PARD3B: variants seen among roughly 807,000 people sequenced by gnomAD.
The protein encoded by PARD3B is partitioning defective 3 homolog B.
Under a neutral mutation model 130.2 loss-of-function variants are expected in PARD3B, and 103 were observed. That is an observed-to-expected ratio of 0.79 (90% confidence interval 0.67 to 0.93). The LOEUF (loss-of-function observed/expected upper bound fraction) is 0.93. Among genes scored for constraint, PARD3B ranks in the 40% least tolerant of loss-of-function variants. The pLI, the probability that PARD3B is intolerant of heterozygous loss-of-function variation, is 0.00. For missense variants in PARD3B, 1,609 were observed against 1,499.2 expected (o/e 1.07, Z -1.21); for synonymous variants, 583 against 553.2 (o/e 1.05, Z -0.76).
At chr2:205,013,123 A>G (rs1244472299) in intron 3 of PARD3B, among the ~76,000 whole-genome samples, 2 of 152,180 alleles carry the variant, frequency 1.3e-5, no homozygotes, top group African/African-American at 4.8e-5. Flanking sequence ...CTTGATTTCA[A>G]CATGAGTTTA....
chr2:204,710,571 A>G (rs751556863), intron 2 of PARD3B, among the ~76,000 whole-genome samples: 1 of 152,232 alleles, frequency 6.6e-6, no homozygotes, highest in Non-Finnish European at 1.5e-5. Flanking sequence ...GGCTGTGTCC[A>G]CCGATTACTG....
rs1704004422 is a variant in PARD3B at position 205,116,088 on chromosome 2, A to G, written c.680+2511A>G. ...TAGATACCATCGCAGAGGGGTGCTG[A>G]ATGCTGCTTGTATTGAGGGCCATTG... On this transcript the variant is annotated intron_variant, in intron 6 of 22. Coordinates refer to ENST00000406610, the MANE Select transcript of PARD3B (RefSeq NM_001302769.2). The surrounding 1 kb of genome is among the most constrained non-coding windows in gnomAD (Gnocchi z 4.5). 6.6e-6 allele frequency among the ~76,000 whole-genome samples: 1 copy of G among 152,140 alleles called. No homozygotes were observed. Among genetic ancestry groups the G allele is most frequent in the Non-Finnish European group, 1.5e-5 (1 of 68,038 alleles).
At chr2:204,635,345 G>T (rs572034920) in intron 1 of PARD3B, among the ~76,000 whole-genome samples, 111 of 152,242 alleles carry the variant, frequency 7.3e-4, no homozygotes, top group African/African-American at 2.6e-3. Context: ...TTGTTACTGG[G>T]TTGGTCAGTG....
Position 205,105,006 on chromosome 2 carries a change from G to A in PARD3B, c.593+492G>A, listed in dbSNP as rs149859509. Among the ~76,000 whole-genome samples the A allele has an allele frequency of 3.0e-4, 45 of 152,258 alleles. No homozygotes were observed. In the East Asian group the frequency reaches 6.0e-3, roughly 20 times the overall value. On this transcript the variant is annotated intron_variant, in intron 5 of 22. Coordinates refer to ENST00000406610, the MANE Select transcript of PARD3B (RefSeq NM_001302769.2). This position sits in a 1 kb window ranked among gnomAD's most constrained non-coding sequence, Gnocchi z 4.0. ...AGGGTTTTTCATGTTCTTAATGAAG[G>A]CAACTCATTTGCTGTCAGTGGCTGC...
Position 205,584,250 on chromosome 2 carries a change from A to G in PARD3B, c.3260+30847A>G, listed in dbSNP as rs1048651818. Among the ~76,000 whole-genome samples the G allele has an allele frequency of 2.0e-5, 3 of 152,350 alleles. No homozygotes were observed. The East Asian group carries it at 5.8e-4, about 29-fold the overall frequency. ...GTCCCAAGACTTAATGCCAAAAGCA[A>G]AAGAATATTAAATATAAATTATTTT... On this transcript the variant is annotated intron_variant, in intron 22 of 22. Transcript: ENST00000406610. This position sits in a 1 kb window ranked among gnomAD's most constrained non-coding sequence, Gnocchi z 5.5.
chr2:204,757,367 G>A (rs890562689), intron 2 of PARD3B, among the ~76,000 whole-genome samples: 1 of 152,130 alleles, frequency 6.6e-6, no homozygotes, highest in Non-Finnish European at 1.5e-5. Context: ...AACCTCATTT[G>A]CATTCCCACC....
At chr2:204,758,918 C>G (rs1349717842) in intron 2 of PARD3B, among the ~76,000 whole-genome samples, 1 of 152,150 alleles carries the variant, frequency 6.6e-6, no homozygotes, top group Non-Finnish European at 1.5e-5. Context: ...ATGGATATAT[C>G]TGATTTGAGT....
intron 2 of PARD3B, 139 bp downstream of exon 2, chr2:204,686,421 T>G: frequency 1.5e-6 from 1 of 647,384 alleles, no homozygotes; most frequent in Admixed American, 2.8e-5. Context: ...GGACAGCCCA[T>G]AAATCAAAGT....
intron 19 of PARD3B, among the ~76,000 whole-genome samples, chr2:205,432,360 C>T (rs573048868): frequency 1.3e-5 from 2 of 152,260 alleles, no homozygotes; most frequent in South Asian, 4.1e-4. Flanking sequence ...TACTTCACTG[C>T]TCGCAACCTC....
intron 2 of PARD3B, among the ~76,000 whole-genome samples, chr2:204,746,343 G>A (rs536273610): frequency 2.1e-3 from 322 of 151,818 alleles, no homozygotes; most frequent in African/African-American, 7.1e-3. Context: ...AGTATTCCAC[G>A]GTGTATACGT....
At chr2:204,633,629 T>C (rs2034767321) in intron 1 of PARD3B, among the ~76,000 whole-genome samples, 2 of 152,032 alleles carry the variant, frequency 1.3e-5, no homozygotes. Context: ...CTGGCCAACA[T>C]GATGAAACCC....
chr2:204,760,732 G>T (rs2040865006), intron 2 of PARD3B, among the ~76,000 whole-genome samples: 1 of 152,050 alleles, frequency 6.6e-6, no homozygotes, highest in Non-Finnish European at 1.5e-5. Context: ...TATTGTGTTA[G>T]GTATATTAAT....
At chr2:204,802,866 C>G (rs746731309) in intron 2 of PARD3B, among the ~76,000 whole-genome samples, 2 of 152,068 alleles carry the variant, frequency 1.3e-5, no homozygotes, top group South Asian at 2.1e-4. Flanking sequence ...GGAGGGATAG[C>G]ATTAGGAGAA....
intron 2 of PARD3B, among the ~76,000 whole-genome samples, chr2:204,793,013 A>T (rs895959165): frequency 2.6e-5 from 4 of 152,092 alleles, no homozygotes; most frequent in African/African-American, 9.7e-5. Context: ...GCTGCTTTTT[A>T]ATCCTCCCTG....
chr2:204,656,387 A>T (rs1167235122), intron 1 of PARD3B, among the ~76,000 whole-genome samples: 3 of 146,336 alleles, frequency 2.1e-5, no homozygotes, highest in Non-Finnish European at 4.5e-5. Context: ...CAAACAAACA[A>T]ACATGTATGG....
intron 2 of PARD3B, among the ~76,000 whole-genome samples, chr2:204,891,458 C>T (rs1034900053): frequency 3.3e-5 from 5 of 152,024 alleles, no homozygotes; most frequent in African/African-American, 4.8e-5. Flanking sequence ...TTTTAGAGCT[C>T]GATGATTTAT....
intron 15 of PARD3B, among the ~76,000 whole-genome samples, chr2:205,242,075 A>G (rs1011119634): frequency 2.6e-5 from 4 of 152,184 alleles, no homozygotes; most frequent in African/African-American, 9.6e-5. Flanking sequence ...TTTAAATAAA[A>G]TGTATTCTAT....
intron 4 of PARD3B, among the ~76,000 whole-genome samples, chr2:205,070,491 G>A (rs1006614688): frequency 6.6e-6 from 1 of 151,952 alleles, no homozygotes; most frequent in African/African-American, 2.4e-5. Flanking sequence ...GAATTTAATT[G>A]CTTCCCTGTA....
At chr2:205,308,328 C>T (rs1269586280) in intron 18 of PARD3B, among the ~76,000 whole-genome samples, 3 of 152,000 alleles carry the variant, frequency 2.0e-5, no homozygotes, top group African/African-American at 7.2e-5. Context: ...AACAAGCAGC[C>T]AGGCATGGTG....
Sources: allele counts gnomAD v4.1 joint callset (sites outside exome capture counted in the v4.1 genomes callset), GRCh38; gene constraint gnomAD v4.1.1; non-coding constraint Gnocchi (gnomAD v3.1); transcripts MANE v1.5; gene names NCBI Gene and HGNC (gene_info 2026-07-23, HGNC 2026-07-21).